The following MMP27 variants were observed in gnomAD, a reference collection of about 807,000 sequenced individuals.
MMP27 encodes matrix metalloproteinase-27.
Under a neutral mutation model 48.1 loss-of-function variants are expected in MMP27, and 51 were observed. The ratio of observed to expected loss-of-function variants is 1.06; its 90% CI spans 0.85 to 1.34. The LOEUF is 1.34. MMP27 is among the 40% of genes most tolerant of loss of function. MMP27 has a pLI of 0.00. For synonymous variants in MMP27, 229 were observed against 208.9 expected (o/e 1.10, Z -0.83); for missense variants, 698 against 619.3 (o/e 1.13, Z -1.35).
chr11:102,703,584 G>A (rs760961071), intron 2 of MMP27, among the ~76,000 whole-genome samples: 1 of 151,788 alleles, frequency 6.6e-6, no homozygotes, highest in Non-Finnish European at 1.5e-5. Flanking sequence ...GTGCAGTGGC[G>A]CGACCTCGGC....
intron 7 of MMP27, 104 bp from the exon 8 acceptor site, chr11:102,694,169 G>A: frequency 1.4e-6 from 1 of 732,006 alleles, no homozygotes; most frequent in Non-Finnish European, 2.1e-6. Flanking sequence ...TCAGTGCTTA[G>A]AGATTTAATA....
chr11:102,692,448 C>T (rs1158726348), intron 9 of MMP27, among the ~76,000 whole-genome samples: 4 of 152,136 alleles, frequency 2.6e-5, no homozygotes, highest in Non-Finnish European at 5.9e-5. Context: ...AAAGATATTT[C>T]TAGATTACCC....
Position 102,693,047 on chromosome 11 carries a change from T to G in MMP27, c.1194-6A>C, listed in dbSNP as rs774045524. ...TTTGGGTCATTTCATCAAACCTGCA[T>G]ACAAGAATATGAAAGGATACCAGCG... On this transcript the variant is annotated splice_region_variant and splice_polypyrimidine_tract_variant and intron_variant, in intron 8 of 9. Transcript: ENST00000260229. 21 of 1,607,168 alleles carry G rather than the reference T, an allele frequency of 1.3e-5. No individual in the cohort carries two copies. The South Asian group carries it at 2.2e-4, about 17-fold the overall frequency.
At chr11:102,692,376 G>C (rs1280345911) in intron 9 of MMP27, among the ~76,000 whole-genome samples, 1 of 152,100 alleles carries the variant, frequency 6.6e-6, no homozygotes, top group Admixed American at 6.5e-5. Context: ...GTTCTACTTT[G>C]ATCTGTTTTA....
chr11:102,693,436 T>G (rs1177016803), intron 8 of MMP27, among the ~76,000 whole-genome samples: 1 of 152,198 alleles, frequency 6.6e-6, no homozygotes, highest in Non-Finnish European at 1.5e-5. Context: ...TTAGACTCAT[T>G]GAGATCTCTT....
Position 102,696,497 on chromosome 11 carries a change from A to T in MMP27, c.782-6T>A. ...AGGTTCCTTAGGCAGACCTCCTTTGATGAGAAAAAAAATACCACAATGAAT... is the reference window on the plus strand; with the variant it reads ...AGGTTCCTTAGGCAGACCTCCTTTGTTGAGAAAAAAAATACCACAATGAAT... On this transcript the variant is annotated splice_polypyrimidine_tract_variant and splice_region_variant and intron_variant, in intron 5 of 9. Coordinates refer to ENST00000260229, the MANE Select transcript of MMP27 (RefSeq NM_022122.3). 1 of 1,612,596 alleles carries T rather than the reference A, an allele frequency of 6.2e-7. No individual in the cohort carries two copies. The highest frequency in any genetic ancestry group is 1.1e-5 in the South Asian group (1 of 90,770).
chr11:102,701,478 G>A (rs1210824449), intron 4 of MMP27, among the ~76,000 whole-genome samples: 1 of 152,184 alleles, frequency 6.6e-6, no homozygotes, highest in Non-Finnish European at 1.5e-5. Context: ...TCTGATTTTG[G>A]CAAGTGCTAG....
chr11:102,702,464 A>G (rs1860958355), intron 4 of MMP27, among the ~76,000 whole-genome samples: 1 of 152,254 alleles, frequency 6.6e-6, no homozygotes, highest in African/African-American at 2.4e-5. Context: ...CTTTTCTAGT[A>G]CAACTTTGGG....
At position 102,696,473 on chromosome 11, in the gene MMP27, G is replaced by T. The variant is rs749659013; in HGVS notation, c.800C>A (p.Pro267His). ...TATAGTGGGTTCCTTTGGCTTAGCA[G>T]GTTCCTTAGGCAGACCTCCTTTGAT... ...QSIYGGLPKE[P>H]AKPKEPTIPH... Residue 267 changes from proline (P) to histidine (H), a missense_variant, in exon 6 of 10, where the codon CCT (proline) becomes CAT (histidine). By Grantham distance (77) the Pro-to-His change is moderately conservative (BLOSUM62 -2). Coordinates refer to ENST00000260229, the MANE Select transcript of MMP27 (RefSeq NM_022122.3). The T allele has an allele frequency of 6.2e-7, 1 of 1,613,510 alleles. No homozygotes were observed. The highest frequency in any genetic ancestry group is 2.2e-5 in the East Asian group (1 of 44,864).
At chr11:102,702,614 C>T in intron 4 of MMP27, 139 bp downstream of exon 4, 1 of 971,488 alleles carries the variant, frequency 1.0e-6, no homozygotes, top group Non-Finnish European at 1.6e-6. Context: ...TGAACACTTC[C>T]ATCAAGGTCA....
rs371449204 is a variant in MMP27 at position 102,695,055 on chromosome 11, A to G, written c.945T>C (p.Phe315=). ...ATGGCCAGAATGAAGCAATTAATTC[A>G]AACTCAACATCCGTGATATCATAAT... ...RIYYDITDVE[F]ELIASFWPSL... The change falls in exon 7 of 10, where the codon TTT becomes TTC. Residue 315 remains phenylalanine, a synonymous_variant. Coordinates refer to ENST00000260229, the MANE Select transcript of MMP27 (RefSeq NM_022122.3). The G allele has an allele frequency of 2.2e-5, 35 of 1,613,914 alleles. No homozygotes were observed. The highest frequency in any genetic ancestry group is 3.0e-5 in the Non-Finnish European group (35 of 1,179,960).
In MMP27 at chr11:102,703,065, T is replaced by C. The variant is rs765728022; in HGVS notation, c.395A>G (p.Gln132Arg). ...MARAAVDEAI[Q>R]EGLEVWSKVT... The stretch of plus-strand genomic sequence containing the variant: ...TTTGCTCCACACTTCTAAACCTTCT[T>C]GGATAGCCTCATCCACAGCAGCTCG... Residue 132 changes from glutamine to arginine, a missense_variant, in exon 3 of 10, where the codon CAA (glutamine) becomes CGA (arginine). Gln to Arg is a conservative substitution (Grantham distance 43). Transcript: ENST00000260229. 1.1e-5 allele frequency: 18 copies of C among 1,614,182 alleles called. No homozygotes were observed. The highest frequency in any genetic ancestry group is 1.5e-5 in the Non-Finnish European group (18 of 1,179,998).
chr11:102,696,720 T>G lies in MMP27; in HGVS notation c.735A>C (p.Lys245Asn), dbSNP rs1183384500. Residue 245 changes from lysine (K) to asparagine (N), a missense_variant, in exon 5 of 10, where the codon AAA becomes AAC. Lys to Asn is a moderately conservative substitution (Grantham distance 94). Coordinates refer to ENST00000260229, the MANE Select transcript of MMP27 (RefSeq NM_022122.3). ...FPNYVSLDPRKYPLSQDDING... is the reference protein window; with the variant it reads ...FPNYVSLDPRNYPLSQDDING... Reference sequence around the variant, plus strand: ...TGATATCATCCTGAGAAAGTGGGTATTTTCTGGGATCCAGGGAGACATAAT... The same window carrying G: ...TGATATCATCCTGAGAAAGTGGGTAGTTTCTGGGATCCAGGGAGACATAAT... 1.9e-6 allele frequency: 3 copies of G among 1,613,890 alleles called. No individual in the cohort carries two copies. Among genetic ancestry groups the G allele is most frequent in the Admixed American group, 1.7e-5 (1 of 59,966 alleles).
intron 4 of MMP27, among the ~76,000 whole-genome samples, chr11:102,700,372 T>A (rs1248126075): frequency 6.6e-6 from 1 of 152,250 alleles, no homozygotes; most frequent in Non-Finnish European, 1.5e-5. Flanking sequence ...ATGCCTAGAA[T>A]GTAATTCCAC....
intron 4 of MMP27, among the ~76,000 whole-genome samples, chr11:102,698,475 A>G (rs950499641): frequency 2.0e-5 from 1 of 49,384 alleles, no homozygotes; most frequent in African/African-American, 5.0e-5. Context: ...GGATAATATT[A>G]AAAAAAAAAA....
At chr11:102,692,032 TA>T (rs1860735532) in intron 9 of MMP27, 22 bp from the exon 10 acceptor site, 1 of 1,566,702 alleles carries the variant, frequency 6.4e-7, no homozygotes, top group Non-Finnish European at 8.6e-7. Flanking sequence ...GAATCAGGAT[TA>T]GTTATCTTTC....
chr11:102,702,673 A>G, intron 4 of MMP27, 80 bp downstream of exon 4: 2 of 1,478,144 alleles, frequency 1.4e-6, no homozygotes, highest in Non-Finnish European at 1.8e-6. Flanking sequence ...TACAGTTAAA[A>G]AGCAGCTAGT....
intron 7 of MMP27, among the ~76,000 whole-genome samples, chr11:102,694,700 A>G (rs1229231343): frequency 6.6e-6 from 1 of 152,252 alleles, no homozygotes; most frequent in African/African-American, 2.4e-5. Context: ...TTAAAGACAG[A>G]TTAATTACCT....
chr11:102,696,060 C>T (rs1042894241), intron 6 of MMP27, among the ~76,000 whole-genome samples: 5 of 152,154 alleles, frequency 3.3e-5, no homozygotes, highest in South Asian at 2.1e-4. Context: ...ACTCCTGTAA[C>T]GGAGTGTAAG....
Sources: allele counts gnomAD v4.1 joint callset (sites outside exome capture counted in the v4.1 genomes callset), GRCh38; gene constraint gnomAD v4.1.1; transcripts MANE v1.5; gene names NCBI Gene and HGNC (gene_info 2026-07-23, HGNC 2026-07-21).